Variants in LRRK2 observed in about 807,000 individuals in gnomAD.
LRRK2 encodes the protein leucine rich repeat kinase 2.
In LRRK2, 203 loss-of-function variants were observed where a neutral mutation model predicts 302.6. The ratio of observed to expected loss-of-function variants is 0.67; its 90% confidence interval spans 0.60 to 0.75. The LOEUF (loss-of-function observed/expected upper bound fraction) is 0.75. Ranked by LOEUF, LRRK2 falls within the 30% of genes least tolerant of loss-of-function variation. The pLI, the probability that LRRK2 is intolerant of heterozygous loss-of-function variation, is 0.00. For missense variants in LRRK2, 2,830 were observed against 2,951.0 expected, an observed-to-expected ratio of 0.96 and a Z score of 0.95; for synonymous variants, 1,066 against 1,031.9, an observed-to-expected ratio of 1.03 and a Z score of -0.63.
intron 40 of LRRK2, among the ~76,000 whole-genome samples, chr12:40,337,085 G>A (rs1334838129): frequency 2.6e-5 from 4 of 152,140 alleles, no homozygotes; most frequent in Admixed American, 2.6e-4. Context: ...TGCCAGAAAA[G>A]CTTTCTGGAT....
At chr12:40,338,815 G>C (rs1376350391) in intron 40 of LRRK2, among the ~76,000 whole-genome samples, 1 of 152,176 alleles carries the variant, frequency 6.6e-6, no homozygotes, top group Non-Finnish European at 1.5e-5. Context: ...AATGATGTAT[G>C]ACTTGGCTTT....
At chr12:40,332,614 A>T (rs1945743905) in intron 39 of LRRK2, among the ~76,000 whole-genome samples, 1 of 152,294 alleles carries the variant, frequency 6.6e-6, no homozygotes, top group Non-Finnish European at 1.5e-5. Flanking sequence ...GTAATAGAAG[A>T]TTTCATGTGA....
chr12:40,326,230 C>A (rs888099876), intron 38 of LRRK2, among the ~76,000 whole-genome samples: 1 of 151,938 alleles, frequency 6.6e-6, no homozygotes, highest in Admixed American at 6.6e-5. Flanking sequence ...TTTGGGAGGC[C>A]GAGATGGGCG....
At chr12:40,247,474 C>T (rs1302830470) in intron 7 of LRRK2, among the ~76,000 whole-genome samples, 1 of 146,336 alleles carries the variant, frequency 6.8e-6, no homozygotes, top group Non-Finnish European at 1.5e-5. Context: ...AATATATACA[C>T]ATTGTATATA....
chr12:40,244,036 A>G (rs757886635), intron 7 of LRRK2, among the ~76,000 whole-genome samples: 2 of 152,100 alleles, frequency 1.3e-5, no homozygotes, highest in African/African-American at 2.4e-5. Context: ...AAAAATATGC[A>G]TAACATATAC....
At chr12:40,334,324 A>T (rs1945803544) in intron 39 of LRRK2, among the ~76,000 whole-genome samples, 1 of 152,184 alleles carries the variant, frequency 6.6e-6, no homozygotes, top group Admixed American at 6.5e-5. Context: ...TAAAAATTTA[A>T]TTCTGACAGT....
rs1040131338 is a variant in LRRK2, at chr12:40,334,951, T to A, written c.5758-16T>A. ...CTGATGTTGAATTACTCTTACATGA[T>A]TTTGGACTTTTGCAGGAGCTTGTGG... On this transcript the variant is annotated splice_polypyrimidine_tract_variant and intron_variant, in intron 39 of 50. Coordinates refer to ENST00000298910, the MANE Select transcript of LRRK2 (RefSeq NM_198578.4). The A allele has an allele frequency of 6.2e-7, 1 of 1,613,278 alleles. No individual in the cohort carries two copies. Among genetic ancestry groups the A allele is most frequent in the Non-Finnish European group, 8.5e-7 (1 of 1,179,860 alleles).
At chr12:40,349,686 T>G (rs1946297516) in intron 43 of LRRK2, among the ~76,000 whole-genome samples, 1 of 138,322 alleles carries the variant, frequency 7.2e-6, no homozygotes, top group South Asian at 2.2e-4. Flanking sequence ...TAACTTTTCC[T>G]TTAATTTTTT....
At chr12:40,231,576 C>CAAAAAAAAAAAAAAAAACA (rs71078231) in intron 2 of LRRK2, among the ~76,000 whole-genome samples, 21 of 105,488 alleles carry the variant, frequency 2.0e-4, no homozygotes, top group East Asian at 8.7e-4. Context: ...AAAACAAAAC[C>CAAAAAAAAAAAAAAAAACA]AAAAAAAAAA....
chr12:40,291,304 A>G (rs1043270318), intron 20 of LRRK2, among the ~76,000 whole-genome samples: 1 of 151,938 alleles, frequency 6.6e-6, no homozygotes, highest in Non-Finnish European at 1.5e-5. Context: ...GGGGAGGGAT[A>G]GCATTAGGAG....
In LRRK2 at chr12:40,298,806, G is replaced by A. The variant is rs61269767; in HGVS notation, c.3348-303G>A. Among the ~76,000 whole-genome samples the A allele has an allele frequency of 7.2e-3, 415 of 57,284 alleles. 1 individual carries two copies. Among genetic ancestry groups the A allele is most frequent in the South Asian group, 8.5e-3 (12 of 1,410 alleles). 37.6% of individuals were successfully genotyped at this position (57,284 alleles called of 152,430 possible). A position where few individuals can be genotyped will look rare whatever the true frequency, so the allele number is the denominator to read the frequency against. Reference sequence around the variant, plus strand: ...ATATATATATATATATATAATATATGTATTATAATATATAATACATATATT... The same window carrying A: ...ATATATATATATATATATAATATATATATTATAATATATAATACATATATT... On this transcript the variant is annotated intron_variant, in intron 24 of 50. Coordinates refer to ENST00000298910, the MANE Select transcript of LRRK2 (RefSeq NM_198578.4).
chr12:40,359,595 A>T, intron 47 of LRRK2, 151 bp downstream of exon 47: 1 of 779,314 alleles, frequency 1.3e-6, no homozygotes. Context: ...CATTATAAAA[A>T]ATTTTGAAAA....
rs532600403 is a variant in LRRK2 at position 40,349,935 on chromosome 12, G to C, written c.6381+1426G>C. Among the ~76,000 whole-genome samples, 8 of 152,328 alleles carry C rather than the reference G, an allele frequency of 5.3e-5. No homozygotes were observed. The South Asian group carries it at 1.7e-3, about 32-fold the overall frequency. Reference sequence around the variant, plus strand: ...TTGCTGGATTTTCTTGCTGCAAATTGCTTTAAATGCAGTTCATGGCTTGAG... The same window carrying C: ...TTGCTGGATTTTCTTGCTGCAAATTCCTTTAAATGCAGTTCATGGCTTGAG... On this transcript the variant is annotated intron_variant, in intron 43 of 50. Transcript: ENST00000298910.
chr12:40,236,885 C>T (rs933707648), intron 4 of LRRK2, among the ~76,000 whole-genome samples: 1 of 151,830 alleles, frequency 6.6e-6, no homozygotes, highest in Non-Finnish European at 1.5e-5. Context: ...ATTCATTCTC[C>T]ATTTGGCGAT....
chr12:40,356,066 G>C (rs1328106919), intron 45 of LRRK2, 49 bp from the exon 46 acceptor site: 1 of 1,313,574 alleles, frequency 7.6e-7, no homozygotes, highest in Admixed American at 1.8e-5. Flanking sequence ...GGCCATTTTA[G>C]TCAACATACA....
chr12:40,319,864 T>C, intron 33 of LRRK2, 124 bp from the exon 34 acceptor site: 1 of 858,906 alleles, frequency 1.2e-6, no homozygotes, highest in East Asian at 2.5e-5. Flanking sequence ...AGGTACTGTG[T>C]TGCACTTGAA....
intron 16 of LRRK2, among the ~76,000 whole-genome samples, chr12:40,277,313 A>G (rs1345912840): frequency 2.0e-5 from 3 of 152,212 alleles, no homozygotes; most frequent in Non-Finnish European, 4.4e-5. Flanking sequence ...GGTGTTCTTT[A>G]TAAATAACTT....
chr12:40,351,485 A>T, intron 43 of LRRK2, 54 bp from the exon 44 acceptor site: 1 of 1,567,106 alleles, frequency 6.4e-7, no homozygotes. Context: ...TGATTTTTCA[A>T]GGGAAATGAG....
At chr12:40,282,700 G>A (rs1943759327) in intron 18 of LRRK2, among the ~76,000 whole-genome samples, 1 of 152,138 alleles carries the variant, frequency 6.6e-6, no homozygotes, top group Non-Finnish European at 1.5e-5. Flanking sequence ...ATGGGTTGAA[G>A]GTGGGCGTAC....
Sources: allele counts gnomAD v4.1 joint callset (sites outside exome capture counted in the v4.1 genomes callset), GRCh38; gene constraint gnomAD v4.1.1; transcripts MANE v1.5; gene names NCBI Gene and HGNC (gene_info 2026-07-23, HGNC 2026-07-21).